TMCO5A: variants seen among roughly 807,000 people sequenced by gnomAD.
The protein encoded by TMCO5A is transmembrane and coiled-coil domains 5A, also known as transmembrane and coiled-coil domain-containing protein 5A.
TMCO5A carries 34 observed loss-of-function variants against 42.3 expected under a neutral mutation model. That is an observed-to-expected ratio of 0.80 (90% CI 0.61 to 1.07). TMCO5A has a LOEUF of 1.07. Ranked by LOEUF, TMCO5A falls within the 50% of genes least tolerant of loss-of-function variation. TMCO5A has a pLI of 0.00. For synonymous variants in TMCO5A, 131 were observed against 115.6 expected, an observed-to-expected ratio of 1.13 and a Z score of -0.86; for missense variants, 357 against 327.9, an observed-to-expected ratio of 1.09 and a Z score of -0.69.
the TMCO5A span, among the ~76,000 whole-genome samples, chr15:38,024,177 T>G: frequency 5.9e-5 from 9 of 152,304 alleles, no homozygotes; most frequent in South Asian, 1.9e-3. Context: ...TTTCCACTCC[T>G]TCTACTGCCA....
At chr15:37,979,753 C>T in the TMCO5A span, among the ~76,000 whole-genome samples, 1 of 152,052 alleles carries the variant, frequency 6.6e-6, no homozygotes, top group Non-Finnish European at 1.5e-5. Flanking sequence ...TCCAGAGCAG[C>T]CAAAAAGGGC....
the TMCO5A span, among the ~76,000 whole-genome samples, chr15:38,005,395 C>CA: frequency 0.053 from 2,329 of 43,948 alleles, 321 homozygotes; most frequent in African/African-American, 0.13. Context: ...CCATCTCTAC[C>CA]AAAAAAAAAA....
chr15:38,010,431 A>T, the TMCO5A span, among the ~76,000 whole-genome samples: 6 of 145,326 alleles, frequency 4.1e-5, no homozygotes, highest in Non-Finnish European at 6.0e-5. Context: ...GAGATCACAC[A>T]CACACACACA....
At chr15:38,027,290 A>G in the TMCO5A span, among the ~76,000 whole-genome samples, 6,878 of 152,262 alleles carry the variant, frequency 0.045, 554 homozygotes, top group African/African-American at 0.16. Context: ...TTGCATCAGC[A>G]TGACCTGGAT....
the TMCO5A span, among the ~76,000 whole-genome samples, chr15:38,019,442 T>G: frequency 1.3e-5 from 2 of 152,206 alleles, no homozygotes; most frequent in Non-Finnish European, 2.9e-5. Context: ...ATCAGAAGTT[T>G]CAATTTTCCT....
At chr15:37,978,722 G>A in the TMCO5A span, among the ~76,000 whole-genome samples, 5 of 152,302 alleles carry the variant, frequency 3.3e-5, no homozygotes, top group African/African-American at 9.6e-5. Context: ...GGGTTGCCCC[G>A]TTTGAGAGGC....
At chr15:37,983,726 T>TTG in the TMCO5A span, among the ~76,000 whole-genome samples, 1 of 146,996 alleles carries the variant, frequency 6.8e-6, no homozygotes, top group African/African-American at 2.7e-5. Context: ...ACTGTTTTTT[T>TTG]TTTTGTTTTT....
At chr15:38,010,208 C>G in the TMCO5A span, among the ~76,000 whole-genome samples, 1 of 119,496 alleles carries the variant, frequency 8.4e-6, no homozygotes, top group African/African-American at 2.9e-5. Context: ...CCCGTCTCTA[C>G]TAAAAAAAAT....
chr15:37,955,083 A>G (rs369903367), downstream of TMCO5A, among the ~76,000 whole-genome samples: 4 of 151,970 alleles, frequency 2.6e-5, 1 homozygote, highest in Admixed American at 2.6e-4. Flanking sequence ...GGCAGAAGTA[A>G]TTTTTTACTT....
the TMCO5A span, among the ~76,000 whole-genome samples, chr15:37,978,436 G>A: frequency 6.6e-6 from 1 of 152,210 alleles, no homozygotes; most frequent in Non-Finnish European, 1.5e-5. Context: ...CTGCTCTGTG[G>A]CCCTCAGCCG....
chr15:37,956,156 A>T (rs369005595), downstream of TMCO5A, among the ~76,000 whole-genome samples: 18 of 152,290 alleles, frequency 1.2e-4, no homozygotes, highest in East Asian at 1.7e-3. Context: ...AAGATCTAAA[A>T]TCAACACCCT....
At chr15:38,012,557 T>C in the TMCO5A span, among the ~76,000 whole-genome samples, 16 of 152,194 alleles carry the variant, frequency 1.1e-4, no homozygotes, top group African/African-American at 3.9e-4. Flanking sequence ...CATACACGTG[T>C]ATGTGTGTTG....
exon 12 of TMCO5A, chr15:37,967,007 C>G: frequency 3.8e-6 from 1 of 260,334 alleles, no homozygotes; most frequent in Non-Finnish European, 7.3e-6. Flanking sequence ...TACTTCATTG[C>G]TAAACTCTGT....
At chr15:38,021,603 G>T in the TMCO5A span, among the ~76,000 whole-genome samples, 1 of 152,042 alleles carries the variant, frequency 6.6e-6, no homozygotes, top group Non-Finnish European at 1.5e-5. Flanking sequence ...GGGAGACTAG[G>T]TTTTGATTGA....
At chr15:37,955,962 C>T (rs1890279022), downstream of TMCO5A, among the ~76,000 whole-genome samples, 1 of 152,184 alleles carries the variant, frequency 6.6e-6, no homozygotes, top group African/African-American at 2.4e-5. Context: ...CACACAACTA[C>T]ACGGAAACTA....
At chr15:37,958,429 A>G (rs114457867) in intron 11 of TMCO5A, among the ~76,000 whole-genome samples, 1,796 of 152,316 alleles carry the variant, frequency 0.012, 40 homozygotes, top group African/African-American at 0.04. Context: ...ATAGTGGGCA[A>G]AGGATATGGA....
the TMCO5A span, among the ~76,000 whole-genome samples, chr15:38,030,505 C>T: frequency 1.5e-4 from 23 of 152,288 alleles, no homozygotes; most frequent in African/African-American, 5.3e-4. Context: ...AGGTTTGCTG[C>T]TCTCAAATTA....
intron 11 of TMCO5A, among the ~76,000 whole-genome samples, chr15:37,963,091 G>T (rs995436390): frequency 2.6e-5 from 4 of 151,918 alleles, no homozygotes; most frequent in Admixed American, 2.6e-4. Flanking sequence ...TTCTTCTGCT[G>T]GGTTTGGTGT....
At chr15:37,940,335 C>T (rs1056594925) in intron 6 of TMCO5A, among the ~76,000 whole-genome samples, 22 of 152,276 alleles carry the variant, frequency 1.4e-4, no homozygotes, top group African/African-American at 5.3e-4. Context: ...TATGCTCTGG[C>T]CACACAACTC....
Sources: gnomAD v4.1 joint callset for allele counts (sites outside exome capture counted in the v4.1 genomes callset) on GRCh38, gnomAD v4.1.1 for gene constraint, MANE v1.5 for transcripts, NCBI Gene and HGNC (gene_info 2026-07-23, HGNC 2026-07-21) for gene names.